Variants in ZNF385D observed in about 807,000 individuals in gnomAD.
ZNF385D encodes zinc finger protein 659.
In ZNF385D, 15 loss-of-function variants were observed where a neutral mutation model predicts 35.8. The observed-to-expected ratio is 0.42, with a 90% CI of 0.28 to 0.64. The LOEUF (loss-of-function observed/expected upper bound fraction) is 0.64, where lower values mean the gene tolerates loss of function less well. Ranked by LOEUF, ZNF385D falls within the 30% of genes least tolerant of loss-of-function variation. The pLI, the probability that ZNF385D is intolerant of heterozygous loss-of-function variation, is 0.23. For missense variants in ZNF385D, 474 were observed against 494.6 expected (o/e 0.96, Z 0.39); for synonymous variants, 212 against 186.8 (o/e 1.13, Z -1.10).
intron 3 of ZNF385D, among the ~76,000 whole-genome samples, chr3:22,132,208 C>T (rs1218623008): frequency 1.3e-5 from 2 of 151,986 alleles, no homozygotes; most frequent in African/African-American, 2.4e-5. Context: ...AAGGGTAGAA[C>T]CCTAATGAAT....
intron 1 of ZNF385D, among the ~76,000 whole-genome samples, chr3:21,683,182 A>G (rs182523880): frequency 2.7e-5 from 4 of 150,128 alleles, no homozygotes; most frequent in Admixed American, 2.7e-4. Flanking sequence ...CCTAAAGTCC[A>G]GTTAAGGATG....
rs1698552020 is a variant in ZNF385D at position 21,886,456 on chromosome 3, C to G, written c.326-221428G>C. 1.3e-5 allele frequency among the ~76,000 whole-genome samples: 2 copies of G among 152,044 alleles called. 1 individual carries two copies. Among genetic ancestry groups the G allele is most frequent in the South Asian group, 4.2e-4 (2 of 4,818 alleles). On this transcript the variant is annotated intron_variant, in intron 3 of 5. Coordinates refer to the ZNF385D transcript ENST00000494108. The stretch of plus-strand genomic sequence containing the variant: ...TCTGCATTTGACATCCTTTCACCTC[C>G]CGTCCTCTCTGAGCACCACCCTTCA...
chr3:21,790,982 A>G (rs1279627868), intron 3 of ZNF385D, among the ~76,000 whole-genome samples: 1 of 152,198 alleles, frequency 6.6e-6, no homozygotes, highest in East Asian at 1.9e-4. Context: ...GCATAAACCA[A>G]TGCGAAGAAA....
rs1482331158 is a variant in ZNF385D at position 21,420,195 on chromosome 3, C to T, written c.*1019G>A. On this transcript the variant is annotated 3_prime_UTR_variant, in exon 8 of 8. Transcript: ENST00000281523. ...AGAAACCTTTGCCTAAGAAACAACCCTACTGGTATGATATAAAGGGGATAC... is the reference window on the plus strand; with the variant it reads ...AGAAACCTTTGCCTAAGAAACAACCTTACTGGTATGATATAAAGGGGATAC... 6.6e-6 allele frequency: 1 copy of T among 152,114 alleles called. No individual in the cohort carries two copies. Among genetic ancestry groups the T allele is most frequent in the Non-Finnish European group, 1.5e-5 (1 of 68,016 alleles). 9.4% of individuals were successfully genotyped at this position (152,114 alleles called of 1,614,324 possible). A position where few individuals can be genotyped will look rare whatever the true frequency, so the allele number is the denominator to read the frequency against.
At chr3:22,166,788 A>T (rs1019402326) in intron 3 of ZNF385D, among the ~76,000 whole-genome samples, 3 of 152,142 alleles carry the variant, frequency 2.0e-5, no homozygotes, top group African/African-American at 7.2e-5. Context: ...CTTTTGTTCT[A>T]GTTTTGTTCT....
Position 21,539,855 on chromosome 3 carries a change from G to C in ZNF385D, c.276+24719C>G, listed in dbSNP as rs1011525070. Reference sequence around the variant, plus strand: ...TATTTTTACTACAAACACAGCATAAGAGTAATGCTGATTTTGAGCAATTGA... The same window carrying C: ...TATTTTTACTACAAACACAGCATAACAGTAATGCTGATTTTGAGCAATTGA... On this transcript the variant is annotated intron_variant, in intron 3 of 7. Transcript: ENST00000281523. The surrounding 1 kb of genome is among the most constrained non-coding windows in gnomAD (Gnocchi z 4.0). Among the ~76,000 whole-genome samples, 1 of 152,064 alleles carries C rather than the reference G, an allele frequency of 6.6e-6. No homozygotes were observed. The highest frequency in any genetic ancestry group is 6.5e-5 in the Admixed American group (1 of 15,268).
At chr3:21,585,086 T>C (rs923864337) in intron 2 of ZNF385D, among the ~76,000 whole-genome samples, 1 of 152,182 alleles carries the variant, frequency 6.6e-6, no homozygotes, top group Non-Finnish European at 1.5e-5. Flanking sequence ...GAGTTATTTC[T>C]AAATGTGTTT....
At chr3:22,224,891 G>C (rs1371933011) in intron 2 of ZNF385D, among the ~76,000 whole-genome samples, 3 of 152,104 alleles carry the variant, frequency 2.0e-5, no homozygotes, top group African/African-American at 7.2e-5. Flanking sequence ...TATAATCTTT[G>C]TCCATCAGCA....
At chr3:22,032,856 A>G (rs756355629) in intron 3 of ZNF385D, among the ~76,000 whole-genome samples, 43 of 152,186 alleles carry the variant, frequency 2.8e-4, no homozygotes, top group South Asian at 1.2e-3. Context: ...CCCCTGAGCT[A>G]GCGTTCCCAT....
chr3:22,290,099 A>G (rs1702224334), intron 2 of ZNF385D, among the ~76,000 whole-genome samples: 1 of 152,110 alleles, frequency 6.6e-6, no homozygotes, highest in Non-Finnish European at 1.5e-5. Context: ...AGATTTGTGT[A>G]TGCTTAGTCC....
At chr3:22,032,004 C>T (rs751446695) in intron 3 of ZNF385D, among the ~76,000 whole-genome samples, 1 of 152,198 alleles carries the variant, frequency 6.6e-6, no homozygotes, top group Non-Finnish European at 1.5e-5. Flanking sequence ...AGGGCAGGGG[C>T]AAAATGCCAC....
At chr3:21,457,224 C>A (rs1194755069) in intron 4 of ZNF385D, among the ~76,000 whole-genome samples, 1 of 152,060 alleles carries the variant, frequency 6.6e-6, no homozygotes, top group Non-Finnish European at 1.5e-5. Context: ...AAAATAAACC[C>A]AGTACTAGCG....
At chr3:22,209,356 G>A (rs1047935433) in intron 2 of ZNF385D, among the ~76,000 whole-genome samples, 14 of 151,794 alleles carry the variant, frequency 9.2e-5, no homozygotes, top group Admixed American at 1.3e-4. Context: ...AGTGAGTGGC[G>A]AATACAATAG....
chr3:22,253,234 G>C (rs1700149921), intron 2 of ZNF385D, among the ~76,000 whole-genome samples: 1 of 151,940 alleles, frequency 6.6e-6, no homozygotes, highest in Non-Finnish European at 1.5e-5. Flanking sequence ...CTGTTCAGAA[G>C]GTTCTAAACG....
At chr3:21,833,304 A>G (rs1437942578) in intron 3 of ZNF385D, among the ~76,000 whole-genome samples, 1 of 152,216 alleles carries the variant, frequency 6.6e-6, no homozygotes, top group Non-Finnish European at 1.5e-5. Flanking sequence ...TGGCAAAAGT[A>G]TTAATATTAC....
At chr3:22,019,521 G>A (rs1425798735) in intron 3 of ZNF385D, among the ~76,000 whole-genome samples, 1 of 151,782 alleles carries the variant, frequency 6.6e-6, no homozygotes, top group Non-Finnish European at 1.5e-5. Context: ...ACCTCTATAT[G>A]CATGAAAAAT....
chr3:21,913,886 G>T (rs1700077084), intron 3 of ZNF385D, among the ~76,000 whole-genome samples: 1 of 152,082 alleles, frequency 6.6e-6, no homozygotes, highest in Non-Finnish European at 1.5e-5. Flanking sequence ...AATTAGGCAA[G>T]GATTTGTTGG....
chr3:22,324,207 C>T (rs1339760598), intron 2 of ZNF385D, among the ~76,000 whole-genome samples: 1 of 152,060 alleles, frequency 6.6e-6, no homozygotes, highest in East Asian at 1.9e-4. Context: ...CCTAATAGGA[C>T]ACTAATTATC....
intron 3 of ZNF385D, among the ~76,000 whole-genome samples, chr3:21,963,582 G>A (rs259569): frequency 0.66 from 99,953 of 151,960 alleles, 33,546 homozygotes; most frequent in African/African-American, 0.76. Flanking sequence ...CCACTTGTAA[G>A]AACAAGTTGT....
Sources: gnomAD v4.1 joint callset for allele counts (sites outside exome capture counted in the v4.1 genomes callset) on GRCh38, gnomAD v4.1.1 for gene constraint, Gnocchi (gnomAD v3.1) non-coding constraint, MANE v1.5 for transcripts, NCBI Gene and HGNC (gene_info 2026-07-23, HGNC 2026-07-21) for gene names.